Variants in RBBP8 observed in about 807,000 individuals in gnomAD.
RBBP8 encodes DNA endonuclease RBBP8.
In RBBP8, 88 loss-of-function variants were observed where a neutral mutation model predicts 108.3. The observed-to-expected ratio is 0.81, with a 90% CI of 0.68 to 0.97. The LOEUF (loss-of-function observed/expected upper bound fraction) is 0.97, where lower values mean the gene tolerates loss of function less well. Among genes scored for constraint, RBBP8 ranks in the 50% least tolerant of loss-of-function variants. RBBP8 has a pLI of 0.00. For missense variants in RBBP8, 1,023 were observed against 1,049.0 expected, an observed-to-expected ratio of 0.98 and a Z score of 0.34; for synonymous variants, 332 against 348.2, an observed-to-expected ratio of 0.95 and a Z score of 0.52.
chr18:22,939,219 A>G (rs1217437869), intron 2 of RBBP8, among the ~76,000 whole-genome samples: 1 of 152,150 alleles, frequency 6.6e-6, no homozygotes, highest in African/African-American at 2.4e-5. Flanking sequence ...GAACTTTCTT[A>G]TGGTAGGCTG....
intron 18 of RBBP8, among the ~76,000 whole-genome samples, chr18:23,022,908 A>AT (rs11437201): frequency 0.77 from 114,804 of 148,974 alleles, 44,279 homozygotes; most frequent in Middle Eastern, 0.91. Flanking sequence ...CATCAAAATG[A>AT]TTTTTTTTTT....
chr18:23,016,862 G>T lies in RBBP8; in HGVS notation c.2392G>T (p.Val798Leu), dbSNP rs2046264198. The change falls in exon 17 of 19, where the codon GTG (valine) becomes TTG (leucine). Residue 798 changes from valine to leucine, a missense_variant. Val to Leu is a conservative substitution (Grantham distance 32, BLOSUM62 1). Transcript: ENST00000327155. ...CTTGCAAAATTTTCCTCATATTGAG[G>T]TGGTTCGGAAAAAAGAGGAGAGAAG... is the stretch of plus-strand genomic sequence containing the variant. Reference protein sequence around the residue: ...TSLQNFPHIEVVRKKEERRKL... With the variant: ...TSLQNFPHIELVRKKEERRKL... The T allele has an allele frequency of 6.2e-7, 1 of 1,613,744 alleles. No individual in the cohort carries two copies.
At chr18:22,988,133 C>T (rs924862411) in intron 8 of RBBP8, among the ~76,000 whole-genome samples, 43 of 152,216 alleles carry the variant, frequency 2.8e-4, no homozygotes, top group African/African-American at 1.0e-3. Context: ...GTTTAGGCTA[C>T]TAGCATCTCT....
At chr18:23,002,309 G>A (rs2045962286) in intron 15 of RBBP8, among the ~76,000 whole-genome samples, 1 of 152,132 alleles carries the variant, frequency 6.6e-6, no homozygotes, top group African/African-American at 2.4e-5. Context: ...TTGGGGGCTG[G>A]AGCGAGAAGA....
At chr18:22,938,446 C>G (rs1273521560) in intron 2 of RBBP8, among the ~76,000 whole-genome samples, 2 of 152,160 alleles carry the variant, frequency 1.3e-5, no homozygotes, top group Non-Finnish European at 2.9e-5. Flanking sequence ...CTTGGCCTCC[C>G]AAACAGCTAG....
intron 17 of RBBP8, among the ~76,000 whole-genome samples, chr18:23,017,995 C>T (rs554483504): frequency 1.3e-5 from 2 of 152,128 alleles, no homozygotes; most frequent in African/African-American, 2.4e-5. Flanking sequence ...TTCCGCCTGC[C>T]TTGGCCTCCC....
chr18:22,949,559 A>T, intron 3 of RBBP8, 59 bp from the exon 4 acceptor site: 1 of 1,234,004 alleles, frequency 8.1e-7, no homozygotes, highest in Non-Finnish European at 1.2e-6. Context: ...TGGAGCTCTT[A>T]GAATTATCCT....
intron 12 of RBBP8, among the ~76,000 whole-genome samples, chr18:22,994,941 G>C (rs2045827892): frequency 6.6e-6 from 1 of 151,950 alleles, no homozygotes; most frequent in African/African-American, 2.4e-5. Context: ...GCCCAGGTTG[G>C]TCTCGAACTA....
At chr18:22,996,752 T>A (rs559261755) in intron 13 of RBBP8, among the ~76,000 whole-genome samples, 34 of 152,256 alleles carry the variant, frequency 2.2e-4, no homozygotes, top group Admixed American at 4.6e-4. Flanking sequence ...ATCCCAACAC[T>A]CTGGGAGGTC....
At chr18:22,943,166 G>A (rs1024091315) in intron 2 of RBBP8, among the ~76,000 whole-genome samples, 1 of 151,282 alleles carries the variant, frequency 6.6e-6, no homozygotes, top group Admixed American at 6.6e-5. Flanking sequence ...TAAGAATGCT[G>A]TCAGGCTGGG....
At chr18:22,977,010 CAG>C (rs757715254) in intron 6 of RBBP8, among the ~76,000 whole-genome samples, 75 of 152,078 alleles carry the variant, frequency 4.9e-4, no homozygotes, top group Non-Finnish European at 6.8e-4. Flanking sequence ...TTTGAAATTA[CAG>C]GAAAGAGTAA....
chr18:22,968,704 A>C, intron 4 of RBBP8, 102 bp from the exon 5 acceptor site: 1 of 864,882 alleles, frequency 1.2e-6, no homozygotes, highest in South Asian at 1.4e-5. Flanking sequence ...TGATTTTCAC[A>C]GTATTTGCCA....
chr18:22,993,798 G>T lies in RBBP8; in HGVS notation c.1890G>T (p.Gln630His). ...HGGCELASVL[Q>H]LNPCRTGKIK... The stretch of plus-strand genomic sequence containing the variant: ...GATGTGAACTTGCATCAGTTCTTCA[G>T]TTAAATCCATGTAGAACTGGTAAAA... The change falls in exon 12 of 19, where the codon CAG becomes CAT. Residue 630 changes from glutamine (Q) to histidine (H), a missense_variant. Physicochemically the swap from Gln to His is conservative, Grantham distance 24. Coordinates refer to ENST00000327155, the MANE Select transcript of RBBP8 (RefSeq NM_002894.3). The T allele has an allele frequency of 6.2e-7, 1 of 1,613,666 alleles. No homozygotes were observed. The highest frequency in any genetic ancestry group is 1.3e-5 in the African/African-American group (1 of 75,032).
At chr18:23,011,510 C>T (rs992040225) in intron 16 of RBBP8, among the ~76,000 whole-genome samples, 1 of 148,162 alleles carries the variant, frequency 6.7e-6, no homozygotes, top group Non-Finnish European at 1.5e-5. Flanking sequence ...CATCTTGTCT[C>T]ACTGCAAGCT....
chr18:22,948,029 A>T (rs1364992625), intron 3 of RBBP8, among the ~76,000 whole-genome samples: 2 of 152,086 alleles, frequency 1.3e-5, no homozygotes, highest in African/African-American at 4.8e-5. Context: ...TTTAAGAAAA[A>T]ACCCTTTGCT....
intron 3 of RBBP8, among the ~76,000 whole-genome samples, chr18:22,921,922 G>A (rs1909610629): frequency 6.6e-6 from 1 of 152,122 alleles, no homozygotes; most frequent in Non-Finnish European, 1.5e-5. Context: ...TAAAGTTATA[G>A]TAAAAACAGA....
At chr18:22,991,602 A>G (rs1453670049) in intron 10 of RBBP8, among the ~76,000 whole-genome samples, 1 of 152,176 alleles carries the variant, frequency 6.6e-6, no homozygotes, top group East Asian at 1.9e-4. Flanking sequence ...ATTTTATGTA[A>G]TTTCCAGATT....
At chr18:23,018,757 G>A (rs1484156049) in intron 17 of RBBP8, among the ~76,000 whole-genome samples, 1 of 152,104 alleles carries the variant, frequency 6.6e-6, no homozygotes, top group Non-Finnish European at 1.5e-5. Flanking sequence ...CATGAATGTA[G>A]AACCCAAGGA....
At chr18:22,974,556 G>A (rs1188364133) in intron 5 of RBBP8, among the ~76,000 whole-genome samples, 2 of 152,254 alleles carry the variant, frequency 1.3e-5, no homozygotes, top group Admixed American at 1.3e-4. Flanking sequence ...CAGCGTCCTA[G>A]GTTCAAATGA....
Sources: allele counts gnomAD v4.1 joint callset (sites outside exome capture counted in the v4.1 genomes callset), GRCh38; gene constraint gnomAD v4.1.1; transcripts MANE v1.5; gene names NCBI Gene and HGNC (gene_info 2026-07-23, HGNC 2026-07-21).